The following AVIL variants were observed in gnomAD, a reference collection of about 807,000 sequenced individuals.
The protein encoded by AVIL is advillin.
A neutral mutation model predicts 109.9 loss-of-function variants in AVIL; 78 were observed. That is an observed-to-expected ratio of 0.71 (90% CI 0.59 to 0.86). The LOEUF is 0.86. Ranked by LOEUF, AVIL falls within the 40% of genes least tolerant of loss-of-function variation. The probability of loss-of-function intolerance (pLI) is 0.00; values close to 1 mark genes in which losing one functional copy is unlikely to be tolerated. For synonymous variants in AVIL, 367 were observed against 379.1 expected, an observed-to-expected ratio of 0.97 and a Z score of 0.37; for missense variants, 892 against 1,016.5, an observed-to-expected ratio of 0.88 and a Z score of 1.67.
In AVIL at chr12:57,811,116, C is replaced by T; in HGVS notation, c.350G>A (p.Gly117Glu). 1 of 1,614,090 alleles carries T rather than the reference C, an allele frequency of 6.2e-7. No individual in the cohort carries two copies. The highest frequency in any genetic ancestry group is 8.5e-7 in the Non-Finnish European group (1 of 1,179,996). Reference protein sequence around the residue: ...YFKQGIIYKQGGVASGMKHVE... With the variant: ...YFKQGIIYKQEGVASGMKHVE... ...GTGCTTCATCCCAGAGGCGACACCC[C>T]CCTGCTTGTAGCTAAGGGAACATCC... The change falls in exon 5 of 20, where the codon GGG becomes GAG. Residue 117 changes from glycine to glutamate, a missense_variant. Gly to Glu is a moderately conservative substitution (Grantham distance 98). Coordinates refer to ENST00000549994, the MANE Select transcript of AVIL (RefSeq NM_006576.4).
At chr12:57,811,519 C>T (rs1650847851) in intron 4 of AVIL, among the ~76,000 whole-genome samples, 1 of 152,216 alleles carries the variant, frequency 6.6e-6, no homozygotes, top group Non-Finnish European at 1.5e-5. Context: ...TGTGCTGCAG[C>T]AGAAGCATTA....
In AVIL at chr12:57,802,358, T is replaced by C. The variant is rs769698779; in HGVS notation, c.1963-10A>G. On this transcript the variant is annotated splice_polypyrimidine_tract_variant and intron_variant, in intron 16 of 19. Transcript: ENST00000549994. ...CAATCCACAAGAACACCTGTTAAGGTGGAGATTTAATATATGTTACTGTGT... is the reference window on the plus strand; with the variant it reads ...CAATCCACAAGAACACCTGTTAAGGCGGAGATTTAATATATGTTACTGTGT... 1 of 1,601,908 alleles carries C rather than the reference T, an allele frequency of 6.2e-7. No homozygotes were observed. The highest frequency in any genetic ancestry group is 8.5e-7 in the Non-Finnish European group (1 of 1,173,354).
rs773080647 is a variant in AVIL at position 57,802,366 on chromosome 12, T to G, written c.1963-18A>C. The G allele has an allele frequency of 2.2e-5, 35 of 1,592,524 alleles. No homozygotes were observed. The highest frequency in any genetic ancestry group is 2.8e-5 in the Non-Finnish European group (33 of 1,168,006). On this transcript the variant is annotated intron_variant, in intron 16 of 19. Coordinates refer to ENST00000549994, the MANE Select transcript of AVIL (RefSeq NM_006576.4). ...AAGAACACCTGTTAAGGTGGAGATT[T>G]AATATATGTTACTGTGTTCATACCA... is the stretch of plus-strand genomic sequence containing the variant.
At chr12:57,804,222 T>G (rs547945363) in intron 14 of AVIL, 1 of 152,640 alleles carries the variant, frequency 6.6e-6, no homozygotes, top group African/African-American at 2.4e-5. Context: ...GTAAGTGGAG[T>G]CATACAATAT....
chr12:57,812,084 G>A (rs563293934), intron 4 of AVIL, among the ~76,000 whole-genome samples: 4 of 152,150 alleles, frequency 2.6e-5, no homozygotes, highest in South Asian at 2.1e-4. Context: ...TTGACCTCCC[G>A]GGCTCAAGTG....
intron 2 of AVIL, chr12:57,814,450 T>A: frequency 1.9e-6 from 1 of 536,062 alleles, no homozygotes; most frequent in Non-Finnish European, 3.4e-6. Flanking sequence ...CCTTGGTCCC[T>A]ATCCTGCTTT....
rs112269561 is a variant in AVIL, at chr12:57,810,362, T to C, written c.748A>G (p.Ile250Val). 1.6e-3 allele frequency: 2,533 copies of C among 1,614,210 alleles called. 5 individuals carry two copies. Among genetic ancestry groups the C allele is most frequent in the Admixed American group, 3.1e-3 (187 of 60,024 alleles). The change falls in exon 7 of 20, where the codon ATC becomes GTC. Residue 250 changes from isoleucine (I) to valine (V), a missense_variant. Transcript: ENST00000549994. ...TGAGCTACTCACTGATACAACATGATAGTTGATTTCTGCTTCTGATCTATG... is the reference window on the plus strand; with the variant it reads ...TGAGCTACTCACTGATACAACATGACAGTTGATTTCTGCTTCTGATCTATG... ...EIIDQKQKST[I>V]MLYHISDSAG...
intron 9 of AVIL, chr12:57,809,291 C>T (rs893395670): frequency 3.0e-4 from 108 of 359,244 alleles, no homozygotes; most frequent in African/African-American, 1.8e-3. Context: ...TGAGCCACTG[C>T]GCCCGGCCCT....
At position 57,807,444 on chromosome 12, in the gene AVIL, C is replaced by T; in HGVS notation, c.1378G>A (p.Ala460Thr). The change falls in exon 13 of 20, where the codon GCA becomes ACA. Residue 460 changes from alanine to threonine, a missense_variant. By Grantham distance (58) the Ala-to-Thr change is moderately conservative. Transcript: ENST00000549994. ...TCAAACTGCCGATCCACCTCCACTG[C>T]CTGGTATGCTGAGGCTGCCAGCTCA... ...QDELAASAYQ[A>T]VEVDRQFDGA... The T allele has an allele frequency of 6.2e-7, 1 of 1,614,254 alleles. No homozygotes were observed. The highest frequency in any genetic ancestry group is 8.5e-7 in the Non-Finnish European group (1 of 1,180,056).
Position 57,810,396 on chromosome 12 carries a change from A to G in AVIL, c.714T>C (p.Pro238=). The G allele has an allele frequency of 6.2e-7, 1 of 1,614,186 alleles. No individual in the cohort carries two copies. The highest frequency in any genetic ancestry group is 8.5e-7 in the Non-Finnish European group (1 of 1,180,028). ...TCTGCTTCTGATCTATGATCTCATC[A>G]GGGACTGTAGGCTTGATAATGGAGC... ...GRRSIIKPTV[P]DEIIDQKQKS... The change falls in exon 7 of 20, where the codon CCT becomes CCC. Residue 238 remains proline, a synonymous_variant. Coordinates refer to ENST00000549994, the MANE Select transcript of AVIL (RefSeq NM_006576.4).
At chr12:57,813,775 C>T (rs117531215) in intron 3 of AVIL, among the ~76,000 whole-genome samples, 36 of 152,326 alleles carry the variant, frequency 2.4e-4, no homozygotes, top group South Asian at 4.1e-4. Context: ...TACACCTGCA[C>T]GACCCTGTCA....
At chr12:57,799,298 AAGC>A (rs1375745430) in intron 19 of AVIL, among the ~76,000 whole-genome samples, 3 of 152,240 alleles carry the variant, frequency 2.0e-5, no homozygotes, top group Non-Finnish European at 2.9e-5. Flanking sequence ...AGGAACAGCA[AAGC>A]AGCCGCTGTA....
At chr12:57,803,898 A>C (rs1447986576) in intron 14 of AVIL, 1 of 430,826 alleles carries the variant, frequency 2.3e-6, no homozygotes, top group Admixed American at 4.1e-5. Flanking sequence ...GTGTTGGCAA[A>C]AGTCACCTTT....
At chr12:57,808,855 T>C in intron 9 of AVIL, 1 of 352,584 alleles carries the variant, frequency 2.8e-6, no homozygotes, top group Non-Finnish European at 5.2e-6. Flanking sequence ...TGTTTGCTCA[T>C]TTATTGCTTC....
At position 57,810,838 on chromosome 12, in the gene AVIL, C is replaced by T; in HGVS notation, c.536G>A (p.Ser179Asn). 6.2e-7 allele frequency: 1 copy of T among 1,614,220 alleles called. No individual in the cohort carries two copies. Among genetic ancestry groups the T allele is most frequent in the Non-Finnish European group, 8.5e-7 (1 of 1,180,036 alleles). ...KVIIQWNGPE[S>N]NSGERLKAML... Reference sequence around the variant, plus strand: ...TACCTTCAGGCGCTCCCCACTGTTGCTCTCTGGGCCATTCCATTGGATGAT... The same window carrying T: ...TACCTTCAGGCGCTCCCCACTGTTGTTCTCTGGGCCATTCCATTGGATGAT... Residue 179 changes from serine to asparagine, a missense_variant, in exon 6 of 20, where the codon AGC becomes AAC. Transcript: ENST00000549994.
intron 2 of AVIL, chr12:57,815,553 C>T (rs970773276): frequency 1.6e-5 from 19 of 1,222,910 alleles, no homozygotes; most frequent in Non-Finnish European, 1.7e-5. Flanking sequence ...CTGAACAGCT[C>T]CTCATCTCTG....
intron 14 of AVIL, chr12:57,804,375 A>G (rs1367605921): frequency 7.2e-5 from 11 of 152,148 alleles, no homozygotes; most frequent in Non-Finnish European, 1.5e-4. Context: ...TCCATTTTCC[A>G]GTGGGGTTGT....
Position 57,813,442 on chromosome 12 carries a change from GATCAGGT to G in AVIL, c.142-26_142-20del. 5.6e-6 allele frequency: 9 copies of G among 1,609,540 alleles called. No individual in the cohort carries two copies. Among genetic ancestry groups the G allele is most frequent in the Non-Finnish European group, 5.9e-6 (7 of 1,177,680 alleles). ...TCCGGGTCTGGGAGGTAGTCAGAGA[GATCAGGT>G]CAGAGGCCAGCTCACCTCCCCTTTG... On this transcript the variant is annotated intron_variant, in intron 3 of 19. Transcript: ENST00000549994.
chr12:57,798,899 G>A (rs974819904), intron 19 of AVIL, among the ~76,000 whole-genome samples: 1 of 152,148 alleles, frequency 6.6e-6, no homozygotes, highest in African/African-American at 2.4e-5. Context: ...ACAGGTATGA[G>A]CCACCGTGCC....
Sources: allele counts gnomAD v4.1 joint callset (sites outside exome capture counted in the v4.1 genomes callset), GRCh38; gene constraint gnomAD v4.1.1; transcripts MANE v1.5; gene names NCBI Gene and HGNC (gene_info 2026-07-23, HGNC 2026-07-21).